GBF1: variants seen among roughly 807,000 people sequenced by gnomAD.
GBF1 encodes Golgi-specific brefeldin A-resistance guanine nucleotide exchange factor 1.
GBF1 carries 114 observed loss-of-function variants against 210.5 expected under a neutral mutation model. The observed-to-expected ratio is 0.54, with a 90% CI of 0.47 to 0.63. The LOEUF is 0.63. Ranked by LOEUF, GBF1 falls within the 30% of genes least tolerant of loss-of-function variation. The pLI is 0.00. For missense variants in GBF1, 1,851 were observed against 2,357.7 expected, an observed-to-expected ratio of 0.79 and a Z score of 4.45; for synonymous variants, 850 against 889.2, an observed-to-expected ratio of 0.96 and a Z score of 0.78.
chr10:102,376,497 C>G, intron 31 of GBF1, 63 bp from the exon 32 acceptor site: 1 of 1,610,960 alleles, frequency 6.2e-7, no homozygotes, highest in Non-Finnish European at 8.5e-7. Context: ...ATTCCTGGTC[C>G]TCTGCAAGGA....
chr10:102,259,691 A>G (rs1306679796), intron 2 of GBF1, among the ~76,000 whole-genome samples: 1 of 152,218 alleles, frequency 6.6e-6, no homozygotes, highest in Non-Finnish European at 1.5e-5. Flanking sequence ...AAAAGTGAGC[A>G]TGGCATCAGG....
the GBF1 span, among the ~76,000 whole-genome samples, chr10:102,234,565 T>G: frequency 1.3e-5 from 2 of 152,052 alleles, no homozygotes; most frequent in Non-Finnish European, 2.9e-5. Flanking sequence ...TATGGTAGCC[T>G]TGGCTGGGAA....
intron 3 of GBF1, among the ~76,000 whole-genome samples, chr10:102,275,808 C>T (rs920643945): frequency 6.6e-6 from 1 of 152,162 alleles, no homozygotes; most frequent in Non-Finnish European, 1.5e-5. Flanking sequence ...TGGTTCAGTC[C>T]ACCTGGACAG....
chr10:102,333,400 G>A (rs2057476522), intron 3 of GBF1, among the ~76,000 whole-genome samples: 1 of 151,994 alleles, frequency 6.6e-6, no homozygotes, highest in Non-Finnish European at 1.5e-5. Flanking sequence ...GGGAGGTTTG[G>A]CAGTTATTCC....
At chr10:102,344,611 G>T (rs955487898) in intron 4 of GBF1, among the ~76,000 whole-genome samples, 2 of 152,024 alleles carry the variant, frequency 1.3e-5, no homozygotes, top group Admixed American at 1.3e-4. Flanking sequence ...CTCCCGAGGA[G>T]CTGGGACTAC....
intron 1 of GBF1, among the ~76,000 whole-genome samples, chr10:102,246,493 T>C (rs548148752): frequency 6.6e-6 from 1 of 152,296 alleles, no homozygotes; most frequent in African/African-American, 2.4e-5. Flanking sequence ...TCTCAGATCT[T>C]CACTAAGGAG....
intron 7 of GBF1, 127 bp from the exon 8 acceptor site, chr10:102,353,472 TC>T: frequency 1.4e-6 from 1 of 735,598 alleles, no homozygotes; most frequent in Non-Finnish European, 2.5e-6. Flanking sequence ...TTAGTCTGCT[TC>T]TCTTTTGTAG....
intron 3 of GBF1, among the ~76,000 whole-genome samples, chr10:102,315,686 G>A (rs943117165): frequency 1.3e-5 from 2 of 152,152 alleles, no homozygotes; most frequent in African/African-American, 4.8e-5. Context: ...TCTGACAGGA[G>A]GCAGAGTTTA....
intron 3 of GBF1, among the ~76,000 whole-genome samples, chr10:102,291,966 T>C (rs1257208662): frequency 1.3e-5 from 2 of 149,666 alleles, no homozygotes; most frequent in African/African-American, 4.9e-5. Context: ...CTCAGCTCAC[T>C]GCAAGCTCCA....
At position 102,332,487 on chromosome 10, in the gene GBF1, G is replaced by A. The variant is rs4919629; in HGVS notation, c.164-11564G>A. The stretch of plus-strand genomic sequence containing the variant: ...CAACTTCTGCCTCCCCGGCTCAAGC[G>A]ATTCTCGTGCCTCAGCTACCAGAGT... On this transcript the variant is annotated intron_variant, in intron 3 of 39. Coordinates refer to ENST00000369983, the MANE Select transcript of GBF1 (RefSeq NM_001377137.1). Among the ~76,000 whole-genome samples, 589 of 151,860 alleles carry A rather than the reference G, an allele frequency of 3.9e-3. 9 individuals carry two copies. The highest frequency in any genetic ancestry group is 0.029 in the Admixed American group (444 of 15,224).
chr10:102,358,482 A>G (rs1422511857), intron 9 of GBF1, 24 bp from the exon 10 acceptor site: 4 of 1,538,412 alleles, frequency 2.6e-6, no homozygotes, highest in Non-Finnish European at 3.6e-6. Context: ...TTCTCCTTCA[A>G]GCGTCACATA....
At chr10:102,233,683 G>A in the GBF1 span, among the ~76,000 whole-genome samples, 1 of 152,192 alleles carries the variant, frequency 6.6e-6, no homozygotes, top group African/African-American at 2.4e-5. Flanking sequence ...ACCACTGGGT[G>A]CTTGGGCCGG....
intron 3 of GBF1, among the ~76,000 whole-genome samples, chr10:102,261,224 G>A (rs1336447323): frequency 1.4e-5 from 2 of 144,792 alleles, no homozygotes; most frequent in South Asian, 2.2e-4. Flanking sequence ...TACACATTAA[G>A]TACCTTATAT....
intron 3 of GBF1, among the ~76,000 whole-genome samples, chr10:102,277,512 A>G (rs946778067): frequency 6.6e-6 from 1 of 150,872 alleles, no homozygotes; most frequent in Non-Finnish European, 1.5e-5. Context: ...CTGAGTAGCT[A>G]GGATTACAGG....
At chr10:102,372,909 T>C (rs993856298) in intron 29 of GBF1, among the ~76,000 whole-genome samples, 10 of 152,196 alleles carry the variant, frequency 6.6e-5, no homozygotes, top group Non-Finnish European at 1.3e-4. Context: ...CTCAACACTG[T>C]CTGGATGGAA....
intron 3 of GBF1, among the ~76,000 whole-genome samples, chr10:102,309,726 T>TTTA (rs2078245928): frequency 6.6e-6 from 1 of 152,182 alleles, no homozygotes; most frequent in South Asian, 2.1e-4. Flanking sequence ...TGTGTCCTTG[T>TTTA]TTATGGATCT....
chr10:102,319,804 C>A (rs1452834910), intron 3 of GBF1, among the ~76,000 whole-genome samples: 2 of 150,036 alleles, frequency 1.3e-5, no homozygotes, highest in African/African-American at 4.9e-5. Flanking sequence ...TCTCGGCTCA[C>A]TGCAACCTCC....
intron 3 of GBF1, among the ~76,000 whole-genome samples, chr10:102,281,194 T>G (rs1448956358): frequency 6.6e-6 from 1 of 152,196 alleles, no homozygotes; most frequent in Non-Finnish European, 1.5e-5. Flanking sequence ...TTTAAAAAGT[T>G]ACTGTTCTTT....
chr10:102,269,423 GC>G (rs1219209036), intron 3 of GBF1, among the ~76,000 whole-genome samples: 6 of 152,194 alleles, frequency 3.9e-5, no homozygotes, highest in Non-Finnish European at 7.3e-5. Flanking sequence ...CAGCCATGCA[GC>G]TTGCTTCCAG....
Sources: gnomAD v4.1 joint callset for allele counts (sites outside exome capture counted in the v4.1 genomes callset) on GRCh38, gnomAD v4.1.1 for gene constraint, MANE v1.5 for transcripts, NCBI Gene and HGNC (gene_info 2026-07-23, HGNC 2026-07-21) for gene names.